The following GTF2I variants were observed in gnomAD, a reference collection of about 807,000 sequenced individuals.
The protein encoded by GTF2I is general transcription factor II-I.
In GTF2I, 12 loss-of-function variants were observed where a neutral mutation model predicts 67.6. That is an observed-to-expected ratio of 0.18 (90% CI 0.11 to 0.29). The LOEUF (loss-of-function observed/expected upper bound fraction) is 0.29, where lower values mean the gene tolerates loss of function less well. GTF2I is among the 10% of genes least tolerant of loss of function. GTF2I has a pLI of 1.00. For missense variants in GTF2I, 271 were observed against 580.1 expected, an observed-to-expected ratio of 0.47 and a Z score of 5.47; for synonymous variants, 149 against 197.0, an observed-to-expected ratio of 0.76 and a Z score of 2.04.
In GTF2I at chr7:74,699,067, A is replaced by G. The variant is rs1554399193; in HGVS notation, c.345A>G (p.Thr115=). The G allele has an allele frequency of 6.5e-7, 1 of 1,527,516 alleles. No homozygotes were observed. The highest frequency in any genetic ancestry group is 1.3e-5 in the South Asian group (1 of 74,356). The allele number at this position is 1,527,516 out of a possible 1,614,324, so 94.6% of individuals were successfully genotyped here. A position where few individuals can be genotyped will look rare whatever the true frequency, so the allele number is the denominator to read the frequency against. Residue 115 remains threonine, a synonymous_variant, in exon 4 of 35, where the codon ACA becomes ACG. Coordinates refer to ENST00000573035, the MANE Select transcript of GTF2I (RefSeq NM_032999.4). ...TAGAAATTGAAACACTCAGAAAAAC[A>G]GTTGAGGACTATTTCTGCTTTTGCT... is the stretch of plus-strand genomic sequence containing the variant. ...DAVEIETLRK[T]VEDYFCFCYG...
chr7:74,685,227 G>A (rs901947593), intron 1 of GTF2I, among the ~76,000 whole-genome samples: 1 of 152,214 alleles, frequency 6.6e-6, no homozygotes, highest in East Asian at 1.9e-4. Flanking sequence ...GACTTGCCCT[G>A]CCGGGCTCCA....
rs148927442 is a variant in GTF2I, at chr7:74,700,359, C to T, written c.486C>T (p.Pro162=). ...CGGAAGGTGTTGCCTTTAAACACCC[C>T]GAGAACTATGATCTTGCAACCCTGA... ...GLPEGVAFKH[P]ENYDLATLKW... The change falls in exon 5 of 35, where the codon CCC becomes CCT. Residue 162 remains proline, a synonymous_variant. Transcript: ENST00000573035. The T allele has an allele frequency of 5.2e-5, 84 of 1,614,028 alleles. No individual in the cohort carries two copies. The highest frequency in any genetic ancestry group is 3.3e-4 in the African/African-American group (25 of 74,974).
intron 6 of GTF2I, 32 bp downstream of exon 6, chr7:74,700,666 G>A: frequency 6.2e-7 from 1 of 1,604,898 alleles, no homozygotes; most frequent in Non-Finnish European, 8.5e-7. Flanking sequence ...TTGATAGCTG[G>A]CTGGCCTCCG....
intron 12 of GTF2I, among the ~76,000 whole-genome samples, chr7:74,719,366 C>G (rs113703084): frequency 6.6e-6 from 1 of 152,268 alleles, no homozygotes; most frequent in South Asian, 2.1e-4. Flanking sequence ...GTCCCTGCCC[C>G]CTTCAACGAC....
At position 74,689,142 on chromosome 7, in the gene GTF2I, C is replaced by G. The variant is rs1437851275; in HGVS notation, c.14C>G (p.Ala5Gly). 6.2e-7 allele frequency: 1 copy of G among 1,609,482 alleles called. No individual in the cohort carries two copies. The highest frequency in any genetic ancestry group is 1.7e-5 in the Admixed American group (1 of 59,934). ...TGCACAGGGATCATGGCCCAAGTTG[C>G]AATGTCCACCCTCCCCGTTGAAGAT... is the stretch of plus-strand genomic sequence containing the variant. The part of the protein sequence containing the change: MAQV[A>G]MSTLPVEDEE... The change falls in exon 2 of 35, where the codon GCA becomes GGA. Residue 5 changes from alanine to glycine, a missense_variant. Around this residue, in one of 9 missense-constraint regions of GTF2I, gnomAD observed 17 missense variants for 18.2 expected, o/e 0.94. Transcript: ENST00000573035.
chr7:74,706,518 TG>T, intron 8 of GTF2I, 85 bp downstream of exon 8: 2 of 1,025,912 alleles, frequency 1.9e-6, no homozygotes, highest in Non-Finnish European at 3.1e-6. Context: ...ACTCAATTAT[TG>T]TTTTGTTTTG....
intron 12 of GTF2I, chr7:74,726,388 C>A (rs1427072475): frequency 6.6e-6 from 1 of 152,086 alleles, no homozygotes; most frequent in Non-Finnish European, 1.5e-5. Flanking sequence ...AGTATATTTT[C>A]AGAATTGAGG....
chr7:74,683,586 C>CT (rs1787439021), intron 1 of GTF2I, among the ~76,000 whole-genome samples: 1 of 152,168 alleles, frequency 6.6e-6, no homozygotes, highest in African/African-American at 2.4e-5. Context: ...GGTGCGGTGG[C>CT]TCACGCCTGT....
chr7:74,675,559 G>A (rs186508920), intron 1 of GTF2I, among the ~76,000 whole-genome samples: 2 of 151,868 alleles, frequency 1.3e-5, no homozygotes, highest in African/African-American at 4.8e-5. Context: ...GTTTTTTTTG[G>A]GGGGGGCAGA....
chr7:74,717,149 C>T (rs1316745592), intron 11 of GTF2I, 199 bp downstream of exon 11: 3 of 557,156 alleles, frequency 5.4e-6, no homozygotes, highest in African/African-American at 3.8e-5. Flanking sequence ...TTAATAAAGC[C>T]TATGGGAATG....
At position 74,705,209 on chromosome 7, in the gene GTF2I, C is replaced by T. The variant is rs1790467812; in HGVS notation, c.632C>T (p.Pro211Leu). ...VTDADRSILS[P>L]GGSCGPIKVK... ...GATGCTGACAGGTCAATACTATCTC[C>T]AGGTGGAAGGTAAAACCTAATTTCA... is the stretch of plus-strand genomic sequence containing the variant. The change falls in exon 7 of 35, where the codon CCA (proline) becomes CTA (leucine). Residue 211 changes from proline (P) to leucine (L), a missense_variant. By Grantham distance (98) the Pro-to-Leu change is moderately conservative. Transcript: ENST00000573035. 6.3e-7 allele frequency: 1 copy of T among 1,594,286 alleles called. No individual in the cohort carries two copies. The highest frequency in any genetic ancestry group is 1.3e-5 in the African/African-American group (1 of 74,638).
chr7:74,681,469 G>A (rs1206703782), intron 1 of GTF2I, among the ~76,000 whole-genome samples: 1 of 151,840 alleles, frequency 6.6e-6, no homozygotes, highest in African/African-American at 2.4e-5. Context: ...AAAAAAAAAT[G>A]GGAAAGAAGG....
intron 14 of GTF2I, among the ~76,000 whole-genome samples, chr7:74,732,200 C>T (rs1794562052): frequency 6.7e-6 from 1 of 149,526 alleles, no homozygotes; most frequent in South Asian, 2.1e-4. Flanking sequence ...AGTGAAACCC[C>T]CGTCTCTACT....
chr7:74,696,493 ATT>A lies in GTF2I; in HGVS notation c.239-2453_239-2452del, dbSNP rs782445780. Reference sequence around the variant, plus strand: ...AGGCGTGTGTCACTACACTCGGCTAATTTTTTTTTTTTTTTTCGAGACGGAGT... The same window carrying A: ...AGGCGTGTGTCACTACACTCGGCTAATTTTTTTTTTTTTTCGAGACGGAGT... On this transcript the variant is annotated intron_variant, in intron 3 of 34. Transcript: ENST00000573035. Among the ~76,000 whole-genome samples, 9 of 137,856 alleles carry A rather than the reference ATT, an allele frequency of 6.5e-5. No individual in the cohort carries two copies. The Admixed American group carries it at 6.6e-4, about 10-fold the overall frequency. The allele number at this position is 137,856 out of a possible 152,430, so 90.4% of individuals were successfully genotyped here.
chr7:74,720,202 A>G (rs1398370702), intron 12 of GTF2I, among the ~76,000 whole-genome samples: 1 of 152,232 alleles, frequency 6.6e-6, no homozygotes. Context: ...TACATATTCC[A>G]TAGGCCTCCC....
intron 1 of GTF2I, among the ~76,000 whole-genome samples, chr7:74,666,530 C>CT (rs201048132): frequency 0.79 from 120,185 of 151,872 alleles, 47,784 homozygotes; most frequent in East Asian, 0.94. Context: ...TTTTCCCCCC[C>CT]GGTAAGCATT....
At chr7:74,727,612 A>C (rs1473639262) in intron 12 of GTF2I, 2 of 152,210 alleles carry the variant, frequency 1.3e-5, no homozygotes, top group African/African-American at 4.8e-5. Flanking sequence ...TCTTTAACAC[A>C]ATAATTATTT....
At chr7:74,680,005 G>A (rs1262403220) in intron 1 of GTF2I, among the ~76,000 whole-genome samples, 1 of 146,540 alleles carries the variant, frequency 6.8e-6, no homozygotes, top group Non-Finnish European at 1.5e-5. Flanking sequence ...CTTGAACCCG[G>A]GAGGCAGAGG....
intron 3 of GTF2I, among the ~76,000 whole-genome samples, chr7:74,691,658 T>C (rs1788319350): frequency 6.6e-6 from 1 of 152,248 alleles, no homozygotes; most frequent in South Asian, 2.1e-4. Flanking sequence ...GTGTTTGTTG[T>C]ACGGTGTTCC....
Sources: allele counts gnomAD v4.1 joint callset (sites outside exome capture counted in the v4.1 genomes callset), GRCh38; gene constraint gnomAD v4.1.1; regional missense constraint gnomAD v4.1.1; transcripts MANE v1.5; gene names NCBI Gene and HGNC (gene_info 2026-07-23, HGNC 2026-07-21).